EDIL3: variants seen among roughly 807,000 people sequenced by gnomAD.
EDIL3 encodes the protein EGF-like repeat and discoidin I-like domain-containing protein 3.
A neutral mutation model predicts 67.4 loss-of-function variants in EDIL3; 37 were observed. The ratio of observed to expected loss-of-function variants is 0.55; its 90% confidence interval spans 0.42 to 0.72. EDIL3 has a LOEUF of 0.72. EDIL3 is among the 30% of genes least tolerant of loss of function. EDIL3 has a pLI of 0.00. For missense variants in EDIL3, 527 were observed against 586.3 expected, an observed-to-expected ratio of 0.90 and a Z score of 1.04; for synonymous variants, 195 against 196.3, an observed-to-expected ratio of 0.99 and a Z score of 0.05.
chr5:84,319,490 A>G (rs1746582300), intron 1 of EDIL3, among the ~76,000 whole-genome samples: 1 of 28,750 alleles, frequency 3.5e-5, no homozygotes, highest in African/African-American at 1.3e-4. Flanking sequence ...AAAACAAAAA[A>G]CAACAAAAAA....
At chr5:84,123,054 G>A (rs1747807666) in intron 5 of EDIL3, among the ~76,000 whole-genome samples, 1 of 151,806 alleles carries the variant, frequency 6.6e-6, no homozygotes, top group Admixed American at 6.6e-5. Flanking sequence ...CTCTCTCACT[G>A]TGTATTTTCT....
chr5:84,242,793 T>TAAA (rs373595978), intron 2 of EDIL3, among the ~76,000 whole-genome samples: 12,914 of 120,620 alleles, frequency 0.11, 891 homozygotes, highest in Middle Eastern at 0.14. Context: ...GACCCTATCT[T>TAAA]AAAAAAAAAA....
chr5:84,120,816 G>A (rs1747762466), intron 5 of EDIL3, among the ~76,000 whole-genome samples: 1 of 151,798 alleles, frequency 6.6e-6, no homozygotes, highest in Admixed American at 6.6e-5. Context: ...ATCTTTTTAA[G>A]GTTTGACTGC....
At chr5:84,183,194 G>GT (rs920680253) in intron 3 of EDIL3, among the ~76,000 whole-genome samples, 22 of 150,990 alleles carry the variant, frequency 1.5e-4, no homozygotes, top group African/African-American at 2.9e-4. Context: ...CTCTTTTACA[G>GT]TTTTTTTTTA....
intron 3 of EDIL3, among the ~76,000 whole-genome samples, chr5:84,205,497 T>A (rs539894148): frequency 3.9e-5 from 6 of 152,328 alleles, no homozygotes; most frequent in Non-Finnish European, 2.9e-5. Context: ...GTGAGCTGTG[T>A]CCACTTGAAA....
chr5:84,190,296 G>T (rs999878469), intron 3 of EDIL3, among the ~76,000 whole-genome samples: 1 of 151,758 alleles, frequency 6.6e-6, no homozygotes, highest in African/African-American at 2.4e-5. Context: ...TTTCTTTTTA[G>T]ATCAGGGAGC....
In EDIL3 at chr5:84,163,069, A is replaced by G. The variant is rs372360883; in HGVS notation, c.355+17324T>C. Among the ~76,000 whole-genome samples, 103 of 152,088 alleles carry G rather than the reference A, an allele frequency of 6.8e-4. 1 individual carries two copies. The highest frequency in any genetic ancestry group is 2.3e-3 in the African/African-American group (95 of 41,506). ...ACAGTGGGCTTTTAAATCGACCAAGACTCTTGAGCTTTGTATTTGAGAAAG... is the reference window on the plus strand; with the variant it reads ...ACAGTGGGCTTTTAAATCGACCAAGGCTCTTGAGCTTTGTATTTGAGAAAG... On this transcript the variant is annotated intron_variant, in intron 4 of 10. Coordinates refer to ENST00000296591, the MANE Select transcript of EDIL3 (RefSeq NM_005711.5).
intron 1 of EDIL3, among the ~76,000 whole-genome samples, chr5:84,288,399 G>T (rs1189172495): frequency 6.6e-6 from 1 of 152,042 alleles, no homozygotes; most frequent in Non-Finnish European, 1.5e-5. Context: ...CATGCAGCAA[G>T]AGTGATTTTG....
intron 4 of EDIL3, among the ~76,000 whole-genome samples, chr5:84,158,514 G>A (rs1370241200): frequency 6.6e-6 from 1 of 151,992 alleles, no homozygotes; most frequent in Non-Finnish European, 1.5e-5. Context: ...CATCAGCACA[G>A]AAATACATCG....
intron 6 of EDIL3, among the ~76,000 whole-genome samples, chr5:84,088,685 A>G (rs570773372): frequency 3.9e-5 from 6 of 152,208 alleles, no homozygotes; most frequent in Non-Finnish European, 8.8e-5. Flanking sequence ...CATTAAGTAT[A>G]TAATAGAAGC....
At chr5:84,025,503 A>G (rs1745795104) in intron 9 of EDIL3, among the ~76,000 whole-genome samples, 1 of 152,162 alleles carries the variant, frequency 6.6e-6, no homozygotes, top group Non-Finnish European at 1.5e-5. Flanking sequence ...TTCATTATAT[A>G]TTACAATGTA....
intron 6 of EDIL3, among the ~76,000 whole-genome samples, chr5:84,084,754 C>T (rs116482692): frequency 0.011 from 1,620 of 152,104 alleles, 37 homozygotes; most frequent in African/African-American, 0.035. Flanking sequence ...AAAGAAAAGA[C>T]GCATAAACAA....
chr5:84,073,648 A>G (rs1202759694), intron 6 of EDIL3, among the ~76,000 whole-genome samples: 1 of 151,862 alleles, frequency 6.6e-6, no homozygotes, highest in Non-Finnish European at 1.5e-5. Flanking sequence ...AAGGGATGTG[A>G]AGGACCTCTT....
chr5:84,130,943 T>C (rs373629312), intron 5 of EDIL3, among the ~76,000 whole-genome samples: 1 of 152,188 alleles, frequency 6.6e-6, no homozygotes, highest in Non-Finnish European at 1.5e-5. Flanking sequence ...TTTAAACTTA[T>C]GTATCTGTAA....
Position 83,993,036 on chromosome 5 carries a change from C to T in EDIL3, c.1138-29676G>A, listed in dbSNP as rs575225534. ...TGCTATTGAGGAAGATTCAACTTACCTAAATAAGAGAAAATCTTAAAATAG... is the reference window on the plus strand; with the variant it reads ...TGCTATTGAGGAAGATTCAACTTACTTAAATAAGAGAAAATCTTAAAATAG... On this transcript the variant is annotated intron_variant, in intron 9 of 10. Coordinates refer to ENST00000296591, the MANE Select transcript of EDIL3 (RefSeq NM_005711.5). Among the ~76,000 whole-genome samples, 24 of 152,002 alleles carry T rather than the reference C, an allele frequency of 1.6e-4. 1 individual carries two copies. Among genetic ancestry groups the T allele is most frequent in the African/African-American group, 4.1e-4 (17 of 41,452 alleles).
chr5:83,979,609 T>C (rs1380666250), intron 9 of EDIL3, among the ~76,000 whole-genome samples: 3 of 152,132 alleles, frequency 2.0e-5, no homozygotes, highest in African/African-American at 7.2e-5. Context: ...TGAACAAATA[T>C]GAAAACATTA....
At chr5:84,008,262 C>T (rs1233865463) in intron 9 of EDIL3, among the ~76,000 whole-genome samples, 5 of 151,856 alleles carry the variant, frequency 3.3e-5, no homozygotes, top group Admixed American at 1.3e-4. Flanking sequence ...ATTTATTGTA[C>T]ATTTAAAAAT....
intron 3 of EDIL3, among the ~76,000 whole-genome samples, chr5:84,185,507 T>C (rs1256629551): frequency 6.6e-6 from 1 of 152,170 alleles, no homozygotes; most frequent in African/African-American, 2.4e-5. Context: ...GTGGGAAGAC[T>C]TAACGTTGGC....
At chr5:84,053,783 C>A (rs1746387342) in intron 9 of EDIL3, among the ~76,000 whole-genome samples, 2 of 152,138 alleles carry the variant, frequency 1.3e-5, no homozygotes, top group African/African-American at 4.8e-5. Flanking sequence ...CTGAATAGAA[C>A]AATAACAGGC....
Sources: allele counts gnomAD v4.1 joint callset (sites outside exome capture counted in the v4.1 genomes callset), GRCh38; gene constraint gnomAD v4.1.1; transcripts MANE v1.5; gene names NCBI Gene and HGNC (gene_info 2026-07-23, HGNC 2026-07-21).